The following NEK7 variants were observed in gnomAD, a reference collection of about 807,000 sequenced individuals.
NEK7 encodes the protein NIMA related kinase 7, also known as serine/threonine-protein kinase Nek7.
Under a neutral mutation model 44.6 loss-of-function variants are expected in NEK7, and 18 were observed. The ratio of observed to expected loss-of-function variants is 0.40; its 90% CI spans 0.28 to 0.60. The LOEUF (loss-of-function observed/expected upper bound fraction) is 0.60. Ranked by LOEUF, NEK7 falls within the 20% of genes least tolerant of loss-of-function variation. The pLI, the probability that NEK7 is intolerant of heterozygous loss-of-function variation, is 0.38. For missense variants in NEK7, 256 were observed against 366.5 expected (o/e 0.70, Z 2.46); for synonymous variants, 130 against 121.1 (o/e 1.07, Z -0.48).
intron 9 of NEK7, among the ~76,000 whole-genome samples, chr1:198,306,274 G>A (rs895268047): frequency 6.6e-6 from 1 of 152,036 alleles, no homozygotes; most frequent in Non-Finnish European, 1.5e-5. Flanking sequence ...GAGACCATAA[G>A]GAGATATATT....
At chr1:198,236,019 A>G (rs766910616) in intron 2 of NEK7, among the ~76,000 whole-genome samples, 1 of 152,076 alleles carries the variant, frequency 6.6e-6, no homozygotes, top group Non-Finnish European at 1.5e-5. Context: ...TCCATTTACT[A>G]TTTTGCATCT....
At chr1:198,265,050 A>G (rs1571587455) in intron 5 of NEK7, among the ~76,000 whole-genome samples, 1 of 152,214 alleles carries the variant, frequency 6.6e-6, no homozygotes, top group Non-Finnish European at 1.5e-5. Flanking sequence ...CTAGTATGGT[A>G]GCTCTGCTCT....
chr1:198,317,080 TA>T (rs1655392445), intron 9 of NEK7, among the ~76,000 whole-genome samples: 1 of 141,932 alleles, frequency 7.0e-6, no homozygotes, highest in Non-Finnish European at 1.5e-5. Flanking sequence ...ATGTAACAAA[TA>T]ATTGAGGAAA....
At chr1:198,226,737 A>G (rs1666239321) in intron 1 of NEK7, among the ~76,000 whole-genome samples, 4 of 127,174 alleles carry the variant, frequency 3.1e-5, no homozygotes, top group African/African-American at 1.2e-4. Context: ...CCTTCTAACA[A>G]TCTCTCTCTG....
intron 9 of NEK7, among the ~76,000 whole-genome samples, chr1:198,298,324 T>C (rs1262434473): frequency 6.6e-6 from 1 of 152,222 alleles, no homozygotes; most frequent in Non-Finnish European, 1.5e-5. Context: ...ACTTGAATAA[T>C]AAATATCTCT....
intron 2 of NEK7, among the ~76,000 whole-genome samples, chr1:198,240,677 T>G (rs1666661567): frequency 6.7e-6 from 1 of 148,920 alleles, no homozygotes; most frequent in Non-Finnish European, 1.5e-5. Flanking sequence ...AGATATATTC[T>G]TAAACCAATA....
At chr1:198,253,666 C>A (rs1471775067) in intron 3 of NEK7, among the ~76,000 whole-genome samples, 2 of 152,100 alleles carry the variant, frequency 1.3e-5, no homozygotes, top group Non-Finnish European at 2.9e-5. Flanking sequence ...AACATTGATA[C>A]CTAACTTTAA....
At chr1:198,224,527 C>T (rs1046575713) in intron 1 of NEK7, among the ~76,000 whole-genome samples, 3 of 151,480 alleles carry the variant, frequency 2.0e-5, no homozygotes, top group Non-Finnish European at 2.9e-5. Context: ...GTACTTCAAC[C>T]GAAACAATGT....
chr1:198,194,512 A>G (rs1056523265), intron 1 of NEK7, among the ~76,000 whole-genome samples: 1 of 151,456 alleles, frequency 6.6e-6, no homozygotes, highest in African/African-American at 2.4e-5. Flanking sequence ...GTTTCCCTCT[A>G]TGTGTCCATG....
intron 1 of NEK7, among the ~76,000 whole-genome samples, chr1:198,174,754 T>C (rs542098919): frequency 6.6e-6 from 1 of 151,884 alleles, no homozygotes; most frequent in African/African-American, 2.4e-5. Flanking sequence ...TTGTTTTTGT[T>C]TTTTGTTGTT....
At chr1:198,194,624 A>G (rs956311176) in intron 1 of NEK7, among the ~76,000 whole-genome samples, 1 of 152,158 alleles carries the variant, frequency 6.6e-6, no homozygotes, top group Admixed American at 6.5e-5. Context: ...AACTCCATCC[A>G]TATTCCCACA....
intron 5 of NEK7, among the ~76,000 whole-genome samples, chr1:198,271,921 A>G (rs971849209): frequency 6.5e-5 from 7 of 107,566 alleles, no homozygotes; most frequent in Non-Finnish European, 1.1e-4. Context: ...ATATATATAT[A>G]TATACACACA....
intron 1 of NEK7, among the ~76,000 whole-genome samples, chr1:198,174,765 T>A (rs1664557381): frequency 6.6e-6 from 1 of 151,896 alleles, no homozygotes; most frequent in African/African-American, 2.4e-5. Context: ...TTTTGTTGTT[T>A]TTTTTGGGGG....
intron 2 of NEK7, among the ~76,000 whole-genome samples, chr1:198,242,610 C>T (rs562899684): frequency 6.6e-6 from 1 of 150,910 alleles, no homozygotes; most frequent in Non-Finnish European, 1.5e-5. Flanking sequence ...CACAGGCGTG[C>T]GCTACTACAC....
intron 1 of NEK7, among the ~76,000 whole-genome samples, chr1:198,205,021 A>G (rs1160551204): frequency 6.6e-6 from 1 of 152,138 alleles, no homozygotes; most frequent in Non-Finnish European, 1.5e-5. Flanking sequence ...GGCCCCTGCT[A>G]CTGTTGCTGC....
intron 2 of NEK7, among the ~76,000 whole-genome samples, chr1:198,238,504 T>A (rs1666599558): frequency 1.3e-5 from 2 of 152,164 alleles, no homozygotes; most frequent in African/African-American, 2.4e-5. Flanking sequence ...CCACCTTCAT[T>A]CTGGACAGTA....
At chr1:198,284,779 T>C (rs752203309) in intron 7 of NEK7, among the ~76,000 whole-genome samples, 20 of 152,292 alleles carry the variant, frequency 1.3e-4, no homozygotes, top group Non-Finnish European at 2.4e-4. Flanking sequence ...AACAATTTTA[T>C]ATATTCCAAA....
intron 1 of NEK7, among the ~76,000 whole-genome samples, chr1:198,161,831 A>G (rs1558036385): frequency 6.6e-6 from 1 of 152,036 alleles, no homozygotes; most frequent in African/African-American, 2.4e-5. Flanking sequence ...AATGAAAACT[A>G]CTAGACAAAG....
chr1:198,264,058 A>C lies in NEK7; in HGVS notation c.262-67A>C, dbSNP rs1246272209. 15 of 1,476,968 alleles carry C rather than the reference A, an allele frequency of 1.0e-5. No individual in the cohort carries two copies. The East Asian group carries it at 3.8e-4, about 37-fold the overall frequency. 91.5% of individuals were successfully genotyped at this position (1,476,968 alleles called of 1,614,324 possible). ...TACGGTGAAGTTTGTTCTTAAGTAC[A>C]AAACTATAAGTGACTCTTGGATATT... is the stretch of plus-strand genomic sequence containing the variant. On this transcript the variant is annotated intron_variant, in intron 4 of 9. Transcript: ENST00000367385.
Sources: gnomAD v4.1 joint callset for allele counts (sites outside exome capture counted in the v4.1 genomes callset) on GRCh38, gnomAD v4.1.1 for gene constraint, MANE v1.5 for transcripts, NCBI Gene and HGNC (gene_info 2026-07-23, HGNC 2026-07-21) for gene names.